DRP2: variants seen among roughly 807,000 people sequenced by gnomAD.
DRP2 encodes the protein dystrophin-related protein 2.
In DRP2, 29 loss-of-function variants were observed where a neutral mutation model predicts 78.2. The observed-to-expected ratio is 0.37, with a 90% CI of 0.28 to 0.51. The LOEUF is 0.51. Ranked by LOEUF, DRP2 falls within the 20% of genes least tolerant of loss-of-function variation. The pLI is 0.94. For missense variants in DRP2, 686 were observed against 770.6 expected (o/e 0.89, Z 1.30); for synonymous variants, 290 against 281.9 (o/e 1.03, Z -0.29).
chrX:101,242,178 A>G, intron 7 of DRP2, 147 bp from the exon 8 acceptor site: 1 of 884,503 alleles, frequency 1.1e-6, no homozygotes. Context: ...GGCCGCCCAC[A>G]CCTTAGTCTG....
At chrX:101,236,928 G>T (rs1311847058) in intron 4 of DRP2, among the ~76,000 whole-genome samples, 1 of 111,806 alleles carries the variant, frequency 8.9e-6, no homozygotes, top group African/African-American at 3.3e-5. Flanking sequence ...CAGCCAAGGG[G>T]AATGGCTTGA....
chrX:101,259,866 A>G, intron 22 of DRP2, among the ~76,000 whole-genome samples, 183 bp from the exon 23 acceptor site: 1 of 112,352 alleles, frequency 8.9e-6, no homozygotes, highest in Non-Finnish European at 1.9e-5. Flanking sequence ...GTAATGGGTA[A>G]TTCAATATTC....
chrX:101,237,139 A>G (rs189365899), intron 4 of DRP2, among the ~76,000 whole-genome samples: 92 of 112,034 alleles, frequency 8.2e-4, no homozygotes, highest in African/African-American at 2.6e-3. Context: ...CCTATACTCA[A>G]CCACCCAACT....
chrX:101,244,816 C>T (rs1922868937), intron 9 of DRP2, among the ~76,000 whole-genome samples: 1 of 112,286 alleles, frequency 8.9e-6, no homozygotes, highest in Non-Finnish European at 1.9e-5. Flanking sequence ...TTCTCCTTGC[C>T]TTGCCCTAAC....
In DRP2 at chrX:101,237,691, C is replaced by T. The variant is rs1189441777; in HGVS notation, c.354C>T (p.Leu118=). Reference sequence around the variant, plus strand: ...CTCTTCAAGAGATTATTGACTGGCTCAGCCAAAAGGATGAGGAGTTGTCAG... The same window carrying T: ...CTCTTCAAGAGATTATTGACTGGCTTAGCCAAAAGGATGAGGAGTTGTCAG... ...QLPLQEIIDW[L]SQKDEELSAQ... Residue 118 remains leucine (L), a synonymous_variant, in exon 5 of 24, where the codon CTC becomes CTT. Transcript: ENST00000395209. 1.7e-6 allele frequency: 2 copies of T among 1,178,574 alleles called. No homozygotes were observed. The highest frequency in any genetic ancestry group is 4.0e-5 in the South Asian group (2 of 49,913).
intron 9 of DRP2, 54 bp from the exon 10 acceptor site, chrX:101,244,963 G>A (rs1490160463): frequency 9.2e-6 from 10 of 1,087,520 alleles, no homozygotes; most frequent in Middle Eastern, 5.1e-4. Flanking sequence ...GTAGCTGGGG[G>A]CCTTAAGAGC....
intron 23 of DRP2, 85 bp downstream of exon 23, chrX:101,260,254 G>C (rs1478970455): frequency 5.3e-6 from 6 of 1,140,757 alleles, no homozygotes; most frequent in Non-Finnish European, 7.1e-6. Flanking sequence ...GCGGGGCTGG[G>C]ACTGGTTTCT....
chrX:101,256,121 C>T lies in DRP2; in HGVS notation c.2250C>T (p.Asp750=), dbSNP rs771611160. The change falls in exon 21 of 24, where the codon GAC becomes GAT. Residue 750 remains aspartate (D), a synonymous_variant. Transcript: ENST00000395209. ...TGCTTTCCCCACACCCATGCAGAGA[C>T]GAGGACCAGTACCTGCTGCGGCACT... ...NDSLSPDDSI[D]EDQYLLRHSS... 7 of 1,186,570 alleles carry T rather than the reference C, an allele frequency of 5.9e-6. No homozygotes were observed. Among genetic ancestry groups the T allele is most frequent in the South Asian group, 3.8e-5 (2 of 52,016 alleles).
chrX:101,239,975 C>T (rs780915574), intron 6 of DRP2, among the ~76,000 whole-genome samples: 3 of 110,931 alleles, frequency 2.7e-5, no homozygotes, highest in South Asian at 3.9e-4. Context: ...CCCAGAAGTT[C>T]GAGGCTGCAG....
chrX:101,235,894 A>G lies in DRP2; in HGVS notation c.152A>G (p.Gln51Arg). The G allele has an allele frequency of 8.3e-7, 1 of 1,211,142 alleles. No homozygotes were observed. The highest frequency in any genetic ancestry group is 1.1e-6 in the Non-Finnish European group (1 of 895,055). The change falls in exon 4 of 24, where the codon CAA (glutamine) becomes CGA (arginine). Residue 51 changes from glutamine (Q) to arginine (R), a missense_variant. Transcript: ENST00000395209. ...GCTGTCACCAGCCCTGCACCTCCTC[A>G]AGATGGTGCTGGGGTTCCCTGCCTA... ...RAAVTSPAPP[Q>R]DGAGVPCLSL...
At chrX:101,223,693 A>G (rs909603968) in intron 1 of DRP2, among the ~76,000 whole-genome samples, 4 of 112,355 alleles carry the variant, frequency 3.6e-5, no homozygotes, top group South Asian at 3.7e-4. Flanking sequence ...GTTTTCTCCC[A>G]TGGGGATGCA....
Position 101,254,885 on chromosome X carries a change from A to G in DRP2, c.2141A>G (p.His714Arg), listed in dbSNP as rs1259144755. ...CCGGCTTCTTCCCCGATGTGGCCAC[A>G]CGCCGACACACACTCCCGAATTGAG... ...ETPASSPMWP[H>R]ADTHSRIEHF... is the part of the protein sequence containing the mutation. The change falls in exon 19 of 24, where the codon CAC becomes CGC. Residue 714 changes from histidine to arginine, a missense_variant. Coordinates refer to ENST00000395209, the MANE Select transcript of DRP2 (RefSeq NM_001939.3). 1 of 1,211,653 alleles carries G rather than the reference A, an allele frequency of 8.3e-7. No homozygotes were observed. Among genetic ancestry groups the G allele is most frequent in the South Asian group, 1.8e-5 (1 of 56,972 alleles).
intron 3 of DRP2, among the ~76,000 whole-genome samples, chrX:101,234,934 A>G (rs998090835): frequency 9.0e-6 from 1 of 111,001 alleles, no homozygotes; most frequent in Non-Finnish European, 1.9e-5. Flanking sequence ...GTAGACAAGC[A>G]GGTAGGCAGG....
At chrX:101,245,363 G>A (rs1922891173) in intron 10 of DRP2, 25 bp from the exon 11 acceptor site, 1 of 1,187,080 alleles carries the variant, frequency 8.4e-7, no homozygotes, top group Non-Finnish European at 1.1e-6. Context: ...ATAGATGCTG[G>A]TACTATTGAT....
intron 3 of DRP2, among the ~76,000 whole-genome samples, chrX:101,235,473 G>T (rs927509239): frequency 8.9e-6 from 1 of 112,686 alleles, no homozygotes; most frequent in African/African-American, 3.2e-5. Flanking sequence ...ACCTGCAATG[G>T]TATGGTTGCC....
intron 5 of DRP2, among the ~76,000 whole-genome samples, chrX:101,238,766 A>G: frequency 8.9e-6 from 1 of 111,811 alleles, no homozygotes; most frequent in East Asian, 2.8e-4. Context: ...GCATAGACAG[A>G]CAAATTTCAT....
chrX:101,256,561 T>C (rs1369820969), intron 21 of DRP2, among the ~76,000 whole-genome samples: 1 of 108,566 alleles, frequency 9.2e-6, no homozygotes, highest in African/African-American at 3.4e-5. Context: ...AATTTTTTTT[T>C]TTTTTGAGAC....
chrX:101,245,480 G>T (rs1203271533), intron 11 of DRP2, 31 bp downstream of exon 11: 1 of 1,118,370 alleles, frequency 8.9e-7, no homozygotes, highest in Non-Finnish European at 1.2e-6. Context: ...TATAGGGTGG[G>T]CATATACACA....
chrX:101,233,155 G>C (rs1352189442), intron 3 of DRP2, among the ~76,000 whole-genome samples: 1 of 111,824 alleles, frequency 8.9e-6, no homozygotes, highest in Admixed American at 9.5e-5. Context: ...GGGAGAGCAG[G>C]GTGATGGAGA....
Sources: allele counts gnomAD v4.1 joint callset (sites outside exome capture counted in the v4.1 genomes callset), GRCh38; gene constraint gnomAD v4.1.1; transcripts MANE v1.5; gene names NCBI Gene and HGNC (gene_info 2026-07-23, HGNC 2026-07-21).